The following TMEM154 variants were observed in gnomAD, a reference collection of about 807,000 sequenced individuals.
The protein encoded by TMEM154 is transmembrane protein 154.
In TMEM154, 27 loss-of-function variants were observed where a neutral mutation model predicts 24.5. That is an observed-to-expected ratio of 1.10 (90% CI 0.81 to 1.52). The LOEUF is 1.52. TMEM154 is among the 40% of genes most tolerant of loss of function. The pLI, the probability that TMEM154 is intolerant of heterozygous loss-of-function variation, is 0.00. For missense variants in TMEM154, 228 were observed against 213.4 expected (o/e 1.07, Z -0.43); for synonymous variants, 67 against 76.8 (o/e 0.87, Z 0.67).
intron 1 of TMEM154, among the ~76,000 whole-genome samples, chr4:152,672,236 G>A (rs1728856937): frequency 6.6e-6 from 1 of 152,076 alleles, no homozygotes; most frequent in Admixed American, 6.5e-5. Context: ...TACAGCCTGG[G>A]TGACAAAGTG....
In TMEM154 at chr4:152,622,869, C is replaced by G. The variant is rs1483091254; in HGVS notation, c.*5677G>C. 1 of 152,174 alleles carries G rather than the reference C, an allele frequency of 6.6e-6. No homozygotes were observed. Among genetic ancestry groups the G allele is most frequent in the Non-Finnish European group, 1.5e-5 (1 of 68,018 alleles). 9.4% of individuals were successfully genotyped at this position (152,174 alleles called of 1,614,324 possible). On this transcript the variant is annotated 3_prime_UTR_variant, in exon 7 of 7. Coordinates refer to ENST00000304385, the MANE Select transcript of TMEM154 (RefSeq NM_152680.3). Reference sequence around the variant, plus strand: ...TTCTTTTCTTTGAGACAGAATCTTGCTCTGTCACCCAGGATGCAGTGCAGT... The same window carrying G: ...TTCTTTTCTTTGAGACAGAATCTTGGTCTGTCACCCAGGATGCAGTGCAGT...
At chr4:152,673,818 G>T (rs568536156) in intron 1 of TMEM154, among the ~76,000 whole-genome samples, 154 of 151,964 alleles carry the variant, frequency 1.0e-3, no homozygotes, top group African/African-American at 3.5e-3. Flanking sequence ...CTTTCATTTT[G>T]TTTTGTTTTG....
In TMEM154 at chr4:152,619,658, A is replaced by G. The variant is rs1751814930; in HGVS notation, c.*8888T>C. The G allele has an allele frequency of 6.6e-6, 1 of 152,210 alleles. No homozygotes were observed. Among genetic ancestry groups the G allele is most frequent in the Non-Finnish European group, 1.5e-5 (1 of 68,054 alleles). 9.4% of individuals were successfully genotyped at this position (152,210 alleles called of 1,614,324 possible). ...GGAACTCAGCTGCCATGCTGTGAAG[A>G]AGCCCAAGGAGTCTATGGAGAGGCC... is the stretch of plus-strand genomic sequence containing the variant. On this transcript the variant is annotated 3_prime_UTR_variant, in exon 7 of 7. Coordinates refer to ENST00000304385, the MANE Select transcript of TMEM154 (RefSeq NM_152680.3).
chr4:152,635,144 A>G (rs749667186), intron 6 of TMEM154, among the ~76,000 whole-genome samples: 14 of 152,188 alleles, frequency 9.2e-5, no homozygotes, highest in Non-Finnish European at 1.9e-4. Context: ...CTCGCATAAA[A>G]CTGCTGTTTT....
At chr4:152,668,464 C>T (rs866509551) in intron 1 of TMEM154, 7 of 152,082 alleles carry the variant, frequency 4.6e-5, no homozygotes, top group Non-Finnish European at 1.0e-4. Context: ...ATGCCCTTGC[C>T]TCAAGACATC....
intron 3 of TMEM154, chr4:152,646,779 G>A (rs1371336639): frequency 3.4e-6 from 2 of 593,330 alleles, no homozygotes; most frequent in Non-Finnish European, 6.0e-6. Context: ...CTAGGGGAGG[G>A]CAGGAGCTAC....
At chr4:152,639,501 T>C (rs562913236) in intron 6 of TMEM154, among the ~76,000 whole-genome samples, 238 of 152,308 alleles carry the variant, frequency 1.6e-3, no homozygotes, top group African/African-American at 5.4e-3. Context: ...GATCAAAACA[T>C]GGGGAAAATA....
chr4:152,678,534 G>A (rs1242652764), intron 1 of TMEM154, among the ~76,000 whole-genome samples: 1 of 151,218 alleles, frequency 6.6e-6, no homozygotes, highest in Non-Finnish European at 1.5e-5. Flanking sequence ...GCGGCGGTGG[G>A]GGGAGGGGGG....
chr4:152,669,177 A>G (rs1256352548), intron 1 of TMEM154: 1 of 152,008 alleles, frequency 6.6e-6, no homozygotes, highest in Non-Finnish European at 1.5e-5. Flanking sequence ...TCCTGGTTTT[A>G]TTCTATGTAA....
chr4:152,628,234 G>T lies in TMEM154; in HGVS notation c.*312C>A. The T allele has an allele frequency of 2.2e-6, 1 of 461,062 alleles. No homozygotes were observed. The highest frequency in any genetic ancestry group is 3.8e-6 in the Non-Finnish European group (1 of 260,932). The allele number at this position is 461,062 out of a possible 1,614,324, so 28.6% of individuals were successfully genotyped here. ...ATCATGACCAGAGTGAGTTCAGTGA[G>T]CTAGAAGTTGGCTGAGAGGAGGCAA... On this transcript the variant is annotated 3_prime_UTR_variant, in exon 7 of 7. Transcript: ENST00000304385.
rs368552348 is a variant in TMEM154, at chr4:152,675,156, C to CAAAAAAAAAAAAAA, written c.64+4700_64+4713dup. Reference sequence around the variant, plus strand: ...TGGGCAGCAGAGCGAGGCTCCATCTCAAAAAAAAAAAAAAAAAAAAAGAAT... The same window carrying CAAAAAAAAAAAAAA: ...TGGGCAGCAGAGCGAGGCTCCATCTCAAAAAAAAAAAAAAAAAAAAAAAAAAAAAAAAAAAGAAT... On this transcript the variant is annotated intron_variant, in intron 1 of 6. Transcript: ENST00000304385. Among the ~76,000 whole-genome samples the CAAAAAAAAAAAAAA allele has an allele frequency of 2.4e-5, 2 of 83,174 alleles. 1 individual carries two copies. The allele number at this position is 83,174 out of a possible 152,430, so 54.6% of individuals were successfully genotyped here.
intron 6 of TMEM154, among the ~76,000 whole-genome samples, chr4:152,629,229 C>T (rs909054327): frequency 3.3e-5 from 5 of 152,190 alleles, no homozygotes; most frequent in Non-Finnish European, 7.3e-5. Flanking sequence ...TCTACGAATA[C>T]GTGCCAAATT....
At chr4:152,637,845 A>G (rs1193212930) in intron 6 of TMEM154, among the ~76,000 whole-genome samples, 2 of 152,234 alleles carry the variant, frequency 1.3e-5, no homozygotes, top group Admixed American at 1.3e-4. Context: ...TAGATACTCA[A>G]AGTAAACATT....
intron 6 of TMEM154, among the ~76,000 whole-genome samples, chr4:152,640,073 GT>G (rs1328906533): frequency 1.3e-5 from 2 of 152,194 alleles, no homozygotes; most frequent in Non-Finnish European, 2.9e-5. Flanking sequence ...GGCTTCAGGG[GT>G]TGCCTGGTGA....
chr4:152,641,264 T>G, intron 5 of TMEM154: 1 of 363,990 alleles, frequency 2.7e-6, no homozygotes. Flanking sequence ...AGCACCCCAG[T>G]GCTCCAAAAG....
At chr4:152,672,292 T>G (rs1728858035) in intron 1 of TMEM154, among the ~76,000 whole-genome samples, 1 of 151,436 alleles carries the variant, frequency 6.6e-6, no homozygotes, top group Non-Finnish European at 1.5e-5. Flanking sequence ...AGGACTGGTG[T>G]AAGGAGTGAG....
At position 152,620,324 on chromosome 4, in the gene TMEM154, G is replaced by A. The variant is rs917843246; in HGVS notation, c.*8222C>T. On this transcript the variant is annotated 3_prime_UTR_variant, in exon 7 of 7. Coordinates refer to ENST00000304385, the MANE Select transcript of TMEM154 (RefSeq NM_152680.3). ...ACCAGCACTTAGATTTTAAAACTAG[G>A]CTTTTTACTTATCACCCCTATTCTA... 9.9e-5 allele frequency: 15 copies of A among 152,034 alleles called. No individual in the cohort carries two copies. The highest frequency in any genetic ancestry group is 3.4e-4 in the African/African-American group (14 of 41,370). 9.4% of individuals were successfully genotyped at this position (152,034 alleles called of 1,614,324 possible).
chr4:152,629,937 A>T (rs567942263), intron 6 of TMEM154, among the ~76,000 whole-genome samples: 2 of 152,168 alleles, frequency 1.3e-5, no homozygotes, highest in Non-Finnish European at 2.9e-5. Context: ...GTGAAGACAG[A>T]GGCATAAGCT....
rs139736444 is a variant in TMEM154, at chr4:152,622,461, C to T, written c.*6085G>A. 3.3e-5 allele frequency: 5 copies of T among 152,118 alleles called. No individual in the cohort carries two copies. The East Asian group carries it at 9.6e-4, about 29-fold the overall frequency. The allele number at this position is 152,118 out of a possible 1,614,324, so 9.4% of individuals were successfully genotyped here. A position where few individuals can be genotyped will look rare whatever the true frequency, so the allele number is the denominator to read the frequency against. ...TTAGTAAATAAAACATTTTAGTAAACAAATATCTTATCCTCAAATACACTT... is the reference window on the plus strand; with the variant it reads ...TTAGTAAATAAAACATTTTAGTAAATAAATATCTTATCCTCAAATACACTT... On this transcript the variant is annotated 3_prime_UTR_variant, in exon 7 of 7. Coordinates refer to ENST00000304385, the MANE Select transcript of TMEM154 (RefSeq NM_152680.3).
Sources: gnomAD v4.1 joint callset for allele counts (sites outside exome capture counted in the v4.1 genomes callset) on GRCh38, gnomAD v4.1.1 for gene constraint, MANE v1.5 for transcripts, NCBI Gene and HGNC (gene_info 2026-07-23, HGNC 2026-07-21) for gene names.